The following TERB2 variants were observed in gnomAD, a reference collection of about 807,000 sequenced individuals.
TERB2 encodes telomere repeats-binding bouquet formation protein 2.
Under a neutral mutation model 29.8 loss-of-function variants are expected in TERB2, and 26 were observed. The observed-to-expected ratio is 0.87, with a 90% CI of 0.64 to 1.21. The LOEUF (loss-of-function observed/expected upper bound fraction) is 1.21, where lower values mean the gene tolerates loss of function less well. Among genes scored for constraint, TERB2 ranks in the 50% most tolerant of loss-of-function variants. TERB2 has a pLI of 0.00. For missense variants in TERB2, 240 were observed against 268.6 expected (o/e 0.89, Z 0.74); for synonymous variants, 80 against 90.8 (o/e 0.88, Z 0.68).
chr15:44,971,981 CTTTTT>C (rs71111900), intron 5 of TERB2, among the ~76,000 whole-genome samples: 1 of 66,332 alleles, frequency 1.5e-5, no homozygotes, highest in African/African-American at 6.4e-5. Flanking sequence ...GAAATAGAAG[CTTTTT>C]TTTTTTTTTT....
At chr15:44,968,478 C>T (rs2141242792) in intron 5 of TERB2, among the ~76,000 whole-genome samples, 1 of 152,164 alleles carries the variant, frequency 6.6e-6, no homozygotes, top group Non-Finnish European at 1.5e-5. Flanking sequence ...GCTTCAGCCT[C>T]CCAAAGTTCT....
intron 4 of TERB2, among the ~76,000 whole-genome samples, chr15:44,965,535 TAC>T (rs1337902532): frequency 6.9e-6 from 1 of 144,410 alleles, no homozygotes; most frequent in African/African-American, 2.5e-5. Context: ...TTATATATTA[TAC>T]ATTTATATAT....
intron 5 of TERB2, among the ~76,000 whole-genome samples, chr15:44,966,763 T>G (rs1299711515): frequency 6.6e-6 from 1 of 152,192 alleles, no homozygotes; most frequent in Admixed American, 6.5e-5. Context: ...GGTGAGTGAT[T>G]TCCCATCTTC....
chr15:44,970,487 CA>C (rs1256261368), intron 5 of TERB2: 1 of 182,798 alleles, frequency 5.5e-6, no homozygotes, highest in African/African-American at 2.4e-5. Flanking sequence ...TTTGAGTCAC[CA>C]GATATAAATT....
intron 5 of TERB2, among the ~76,000 whole-genome samples, chr15:44,973,385 G>A (rs1036204468): frequency 3.9e-5 from 6 of 152,062 alleles, no homozygotes; most frequent in Non-Finnish European, 7.4e-5. Flanking sequence ...GGGATATGGA[G>A]AAAAAGACCC....
At chr15:44,974,902 CAA>C (rs1283415404) in intron 6 of TERB2, among the ~76,000 whole-genome samples, 9 of 151,784 alleles carry the variant, frequency 5.9e-5, no homozygotes, top group African/African-American at 2.2e-4. Flanking sequence ...TTGGACTTAC[CAA>C]ACATTTATTA....
intron 6 of TERB2, among the ~76,000 whole-genome samples, chr15:44,977,766 T>C (rs1444275573): frequency 6.6e-6 from 1 of 152,218 alleles, no homozygotes; most frequent in Non-Finnish European, 1.5e-5. Context: ...CCAGAATTTT[T>C]TTCACACAAT....
chr15:44,975,233 T>C (rs1191550336), intron 6 of TERB2, among the ~76,000 whole-genome samples: 3 of 152,214 alleles, frequency 2.0e-5, no homozygotes, highest in African/African-American at 7.2e-5. Flanking sequence ...CTGCATTAAA[T>C]AATAGCAATT....
intron 2 of TERB2, 113 bp from the exon 3 acceptor site, chr15:44,958,260 G>A (rs1891750358): frequency 1.5e-6 from 2 of 1,290,324 alleles, no homozygotes; most frequent in South Asian, 1.6e-5. Flanking sequence ...CAGCATACAT[G>A]TATGCTTCAA....
At chr15:44,960,067 A>AC (rs1891777497) in intron 3 of TERB2, among the ~76,000 whole-genome samples, 1 of 152,172 alleles carries the variant, frequency 6.6e-6, no homozygotes, top group Non-Finnish European at 1.5e-5. Context: ...ATCAGTGAAT[A>AC]CCCACCTTCA....
At position 44,978,999 on chromosome 15, in the gene TERB2, A is replaced by G. The variant is rs1487329078; in HGVS notation, c.*371A>G. 6.5e-6 allele frequency: 1 copy of G among 153,544 alleles called. No homozygotes were observed. Among genetic ancestry groups the G allele is most frequent in the African/African-American group, 2.4e-5 (1 of 41,288 alleles). 9.5% of individuals were successfully genotyped at this position (153,544 alleles called of 1,614,324 possible). A position where few individuals can be genotyped will look rare whatever the true frequency, so the allele number is the denominator to read the frequency against. On this transcript the variant is annotated 3_prime_UTR_variant, in exon 7 of 7. Coordinates refer to ENST00000340827, the MANE Select transcript of TERB2 (RefSeq NM_152448.3). The stretch of plus-strand genomic sequence containing the variant: ...TCCCCTTCTCTCTTTCTGTCTTTCA[A>G]ATGTTCTTTTGGCTTTAACATTCTA...
intron 5 of TERB2, among the ~76,000 whole-genome samples, chr15:44,969,197 G>A (rs927151323): frequency 7.9e-5 from 12 of 152,144 alleles, no homozygotes; most frequent in African/African-American, 2.9e-4. Flanking sequence ...TCCACCTCCT[G>A]GGTTCAAGCA....
At chr15:44,968,486 T>G (rs1255832859) in intron 5 of TERB2, among the ~76,000 whole-genome samples, 3 of 151,916 alleles carry the variant, frequency 2.0e-5, no homozygotes, top group Non-Finnish European at 2.9e-5. Context: ...CTCCCAAAGT[T>G]CTGGGATTGC....
intron 5 of TERB2, chr15:44,970,815 A>G (rs1891956036): frequency 6.4e-6 from 1 of 155,520 alleles, no homozygotes; most frequent in Non-Finnish European, 1.4e-5. Context: ...TGTTTATTCA[A>G]TACTTTTAAA....
intron 5 of TERB2, among the ~76,000 whole-genome samples, chr15:44,972,053 G>A (rs757772966): frequency 2.0e-4 from 28 of 143,438 alleles, no homozygotes; most frequent in Non-Finnish European, 3.4e-4. Context: ...GCAATGGCGC[G>A]ATCTTGGCTC....
At chr15:44,957,559 C>T (rs1891737595) in intron 2 of TERB2, among the ~76,000 whole-genome samples, 1 of 152,166 alleles carries the variant, frequency 6.6e-6, no homozygotes, top group Non-Finnish European at 1.5e-5. Flanking sequence ...TGAATAACAA[C>T]CCTACGCCAT....
At position 44,956,900 on chromosome 15, in the gene TERB2, T is replaced by A; in HGVS notation, c.69T>A (p.Ala23=). The A allele has an allele frequency of 6.2e-7, 1 of 1,613,976 alleles. No individual in the cohort carries two copies. The highest frequency in any genetic ancestry group is 8.5e-7 in the Non-Finnish European group (1 of 1,179,958). The change falls in exon 2 of 7, where the codon GCT becomes GCA. Residue 23 remains alanine, a synonymous_variant. Coordinates refer to ENST00000340827, the MANE Select transcript of TERB2 (RefSeq NM_152448.3). The part of the protein sequence containing the change: ...VSQDLRQFWV[A]EGGTISDPRA... ...CCTGTGCTCTTACCTCCACAGTGGC[T>A]GAAGGGGGAACGATCAGTGACCCGC...
intron 6 of TERB2, among the ~76,000 whole-genome samples, chr15:44,974,708 A>AT (rs993218304): frequency 5.3e-5 from 8 of 152,252 alleles, no homozygotes; most frequent in Non-Finnish European, 8.8e-5. Context: ...AAAAATAGAG[A>AT]TTTTTTTAAA....
At chr15:44,962,190 T>C (rs948728067) in intron 4 of TERB2, among the ~76,000 whole-genome samples, 4 of 151,496 alleles carry the variant, frequency 2.6e-5, no homozygotes, top group African/African-American at 7.3e-5. Context: ...GTTCTTTTTT[T>C]TTTTTTTTGG....
Sources: gnomAD v4.1 joint callset for allele counts (sites outside exome capture counted in the v4.1 genomes callset) on GRCh38, gnomAD v4.1.1 for gene constraint, MANE v1.5 for transcripts, NCBI Gene and HGNC (gene_info 2026-07-23, HGNC 2026-07-21) for gene names.